The following CTNNA3 variants were observed in gnomAD, a reference collection of about 807,000 sequenced individuals.
CTNNA3 encodes the protein catenin alpha 3.
In CTNNA3, 76 loss-of-function variants were observed where a neutral mutation model predicts 95.7. That is an observed-to-expected ratio of 0.79 (90% confidence interval 0.66 to 0.96). The LOEUF (loss-of-function observed/expected upper bound fraction) is 0.96. Among genes scored for constraint, CTNNA3 ranks in the 40% least tolerant of loss-of-function variants. CTNNA3 has a pLI of 0.00. For synonymous variants in CTNNA3, 431 were observed against 374.4 expected (o/e 1.15, Z -1.74); for missense variants, 1,191 against 1,089.8 (o/e 1.09, Z -1.31).
In CTNNA3 at chr10:66,927,657, C is replaced by G; in HGVS notation, c.1048-152133G>C. On this transcript the variant is annotated intron_variant, in intron 7 of 17. Coordinates refer to ENST00000433211, the MANE Select transcript of CTNNA3 (RefSeq NM_013266.4). The surrounding 1 kb of genome is among the most constrained non-coding windows in gnomAD (Gnocchi z 4.7). ...ATAAAATCAGTGTCATAGGACAGAC[C>G]ATGTCCTGGACCTGGAGCTCCTTAC... The G allele has an allele frequency of 6.2e-7, 1 of 1,614,140 alleles. No individual in the cohort carries two copies. The highest frequency in any genetic ancestry group is 2.2e-5 in the East Asian group (1 of 44,876).
chr10:66,168,116 C>G (rs908783096), intron 13 of CTNNA3, among the ~76,000 whole-genome samples: 2 of 152,138 alleles, frequency 1.3e-5, no homozygotes, highest in Non-Finnish European at 2.9e-5. Context: ...TTAAAAAGAG[C>G]TTTTGGCATT....
chr10:67,348,571 G>T (rs1353815404), intron 5 of CTNNA3, among the ~76,000 whole-genome samples: 1 of 152,110 alleles, frequency 6.6e-6, no homozygotes, highest in African/African-American at 2.4e-5. Flanking sequence ...GAAAGGGGGA[G>T]CCTGCGTTTC....
intron 12 of CTNNA3, among the ~76,000 whole-genome samples, chr10:66,334,860 A>G (rs948118645): frequency 6.6e-6 from 1 of 152,082 alleles, no homozygotes; most frequent in Non-Finnish European, 1.5e-5. Flanking sequence ...CATCACTTTC[A>G]GGTACACCAA....
At chr10:66,634,717 T>C (rs1235925510) in intron 9 of CTNNA3, among the ~76,000 whole-genome samples, 1 of 152,060 alleles carries the variant, frequency 6.6e-6, no homozygotes, top group Non-Finnish European at 1.5e-5. Flanking sequence ...TTCAAATTTG[T>C]GTCTGAAATT....
intron 6 of CTNNA3, among the ~76,000 whole-genome samples, chr10:67,187,956 A>G (rs149079665): frequency 6.6e-6 from 1 of 152,104 alleles, no homozygotes; most frequent in East Asian, 1.9e-4. Flanking sequence ...TTCCTTCCTT[A>G]CATTCTGAGT....
intron 5 of CTNNA3, among the ~76,000 whole-genome samples, chr10:67,513,853 G>A (rs1229371451): frequency 1.3e-5 from 2 of 152,132 alleles, no homozygotes; most frequent in African/African-American, 4.8e-5. Context: ...TTGGTTTCAG[G>A]ATACAAACCA....
At chr10:67,492,964 C>T (rs1838900955) in intron 5 of CTNNA3, among the ~76,000 whole-genome samples, 1 of 152,088 alleles carries the variant, frequency 6.6e-6, no homozygotes, top group South Asian at 2.1e-4. Context: ...GGAAACCTCC[C>T]CTCCTCTACA....
At chr10:66,841,007 A>G (rs1245737082) in intron 7 of CTNNA3, among the ~76,000 whole-genome samples, 1 of 152,204 alleles carries the variant, frequency 6.6e-6, no homozygotes, top group Non-Finnish European at 1.5e-5. Flanking sequence ...TCTATGATAT[A>G]TATTCAGGAA....
chr10:67,762,319 C>G (rs1031317045), intron 1 of CTNNA3, among the ~76,000 whole-genome samples: 4 of 150,556 alleles, frequency 2.7e-5, no homozygotes, highest in African/African-American at 9.8e-5. Context: ...ACTGTTCTCA[C>G]AAAATACACA....
intron 13 of CTNNA3, among the ~76,000 whole-genome samples, chr10:66,240,477 T>C (rs1399478129): frequency 1.3e-5 from 2 of 152,110 alleles, no homozygotes; most frequent in East Asian, 1.9e-4. Flanking sequence ...TACAGATCCC[T>C]GTAAGAAACA....
At chr10:66,890,218 C>T (rs1845213605) in intron 7 of CTNNA3, among the ~76,000 whole-genome samples, 1 of 152,064 alleles carries the variant, frequency 6.6e-6, no homozygotes, top group Admixed American at 6.6e-5. Flanking sequence ...ATCTGGAGCT[C>T]AGGGTTGAAG....
At chr10:66,327,953 A>G (rs138173020) in intron 12 of CTNNA3, among the ~76,000 whole-genome samples, 34 of 152,202 alleles carry the variant, frequency 2.2e-4, no homozygotes, top group African/African-American at 8.2e-4. Flanking sequence ...TACTCAGGAA[A>G]GATGATTTGA....
At chr10:67,060,368 A>G (rs190882387) in intron 7 of CTNNA3, among the ~76,000 whole-genome samples, 5 of 152,324 alleles carry the variant, frequency 3.3e-5, no homozygotes, top group African/African-American at 1.2e-4. Context: ...TTGCCAAGTG[A>G]CTAAACAGAA....
At chr10:66,211,497 C>T (rs536196067) in intron 13 of CTNNA3, among the ~76,000 whole-genome samples, 1 of 152,162 alleles carries the variant, frequency 6.6e-6, no homozygotes, top group Non-Finnish European at 1.5e-5. Context: ...AATGAGCTAC[C>T]TGCAGTTGGG....
chr10:66,894,803 T>C (rs1235642955), intron 7 of CTNNA3, among the ~76,000 whole-genome samples: 1 of 151,838 alleles, frequency 6.6e-6, no homozygotes, highest in Non-Finnish European at 1.5e-5. Context: ...TTGGGCTTTA[T>C]TTATGCATAA....
intron 10 of CTNNA3, among the ~76,000 whole-genome samples, chr10:66,601,309 T>C (rs1843914944): frequency 6.6e-6 from 1 of 151,970 alleles, no homozygotes. Context: ...GTGAGATATC[T>C]AACTCATGTT....
chr10:66,463,134 C>T (rs985971176), intron 11 of CTNNA3, among the ~76,000 whole-genome samples: 2 of 152,078 alleles, frequency 1.3e-5, no homozygotes, highest in Non-Finnish European at 2.9e-5. Context: ...AGCTATTTAT[C>T]CACTGAAAAA....
At chr10:66,063,139 A>AC (rs2080237314) in intron 15 of CTNNA3, among the ~76,000 whole-genome samples, 1 of 151,014 alleles carries the variant, frequency 6.6e-6, no homozygotes, top group Non-Finnish European at 1.5e-5. Flanking sequence ...TCATTTCAAT[A>AC]TATCCTTCTT....
chr10:66,348,272 G>A (rs762156183), intron 12 of CTNNA3, among the ~76,000 whole-genome samples: 1 of 151,996 alleles, frequency 6.6e-6, no homozygotes, highest in Non-Finnish European at 1.5e-5. Context: ...TAGAATAGTG[G>A]CTAAAAGAAC....
Sources: allele counts gnomAD v4.1 joint callset (sites outside exome capture counted in the v4.1 genomes callset), GRCh38; gene constraint gnomAD v4.1.1; non-coding constraint Gnocchi (gnomAD v3.1); transcripts MANE v1.5; gene names NCBI Gene and HGNC (gene_info 2026-07-23, HGNC 2026-07-21).